Variants in MSRA observed in about 807,000 individuals in gnomAD.
MSRA encodes mitochondrial peptide methionine sulfoxide reductase.
A neutral mutation model predicts 31.3 loss-of-function variants in MSRA; 54 were observed. That is an observed-to-expected ratio of 1.73 (90% CI 1.39 to 2.17). MSRA has a LOEUF of 2.17. MSRA is among the 30% of genes most tolerant of loss of function. The pLI is 0.00. For missense variants in MSRA, 507 were observed against 300.9 expected (o/e 1.69, Z -5.07); for synonymous variants, 169 against 116.5 (o/e 1.45, Z -2.90).
rs545736260 is a variant in MSRA at position 10,329,662 on chromosome 8, G to A, written c.543+9673G>A. Among the ~76,000 whole-genome samples the A allele has an allele frequency of 8.1e-4, 124 of 152,222 alleles. 2 individuals carry two copies. In the South Asian group the frequency reaches 0.023, roughly 29 times the overall value. On this transcript the variant is annotated intron_variant, in intron 5 of 5. Coordinates refer to ENST00000317173, the MANE Select transcript of MSRA (RefSeq NM_012331.5). ...CTGGTCTCCAACCTGCCAGTGTCAT[G>A]TGTCCACCCCAAAATGGGAGACTGA...
intron 1 of MSRA, among the ~76,000 whole-genome samples, chr8:10,197,917 G>A (rs990427613): frequency 6.6e-6 from 1 of 152,194 alleles, no homozygotes; most frequent in Admixed American, 6.5e-5. Flanking sequence ...GAAGAAAAGG[G>A]CTCTGCTGCA....
intron 4 of MSRA, among the ~76,000 whole-genome samples, chr8:10,314,304 CTTAAATG>C (rs1227075010): frequency 6.6e-6 from 1 of 151,714 alleles, no homozygotes; most frequent in Non-Finnish European, 1.5e-5. Flanking sequence ...AAAAAATAGA[CTTAAATG>C]TATGTGCAGT....
intron 3 of MSRA, among the ~76,000 whole-genome samples, chr8:10,263,597 T>C (rs1346204881): frequency 2.0e-5 from 3 of 152,214 alleles, no homozygotes; most frequent in Admixed American, 2.0e-4. Context: ...GTCTTCTCTC[T>C]TTTTTATTCT....
chr8:10,153,885 C>G (rs1803928884), intron 1 of MSRA, among the ~76,000 whole-genome samples: 1 of 152,158 alleles, frequency 6.6e-6, no homozygotes, highest in Non-Finnish European at 1.5e-5. Context: ...ATGCCTCTCT[C>G]TCTGATATCA....
intron 4 of MSRA, among the ~76,000 whole-genome samples, chr8:10,318,068 C>G (rs761263594): frequency 1.3e-4 from 20 of 152,208 alleles, no homozygotes; most frequent in Admixed American, 1.0e-3. Context: ...ATGCCCCCTC[C>G]CCAGCAGGTA....
chr8:10,327,178 A>T (rs1326145470), intron 5 of MSRA, among the ~76,000 whole-genome samples: 1 of 152,330 alleles, frequency 6.6e-6, no homozygotes, highest in East Asian at 1.9e-4. Context: ...GTCATTGTTA[A>T]ATTACCCACT....
At chr8:10,426,088 A>C (rs1809142306) in intron 5 of MSRA, among the ~76,000 whole-genome samples, 1 of 152,182 alleles carries the variant, frequency 6.6e-6, no homozygotes, top group Non-Finnish European at 1.5e-5. Flanking sequence ...TTCACAGGCA[A>C]ATGCTAGCGA....
intron 5 of MSRA, among the ~76,000 whole-genome samples, chr8:10,392,977 G>A (rs1465371489): frequency 4.1e-5 from 6 of 146,620 alleles, no homozygotes; most frequent in African/African-American, 5.1e-5. Context: ...CAGGAGAATG[G>A]CATGAACCCG....
intron 5 of MSRA, among the ~76,000 whole-genome samples, chr8:10,349,462 T>G (rs781616819): frequency 6.6e-6 from 1 of 152,228 alleles, no homozygotes; most frequent in Admixed American, 6.5e-5. Context: ...CTGACTCTTC[T>G]GTGAGGCCAC....
intron 1 of MSRA, among the ~76,000 whole-genome samples, chr8:10,201,716 C>T (rs1447486592): frequency 6.6e-6 from 1 of 152,266 alleles, no homozygotes; most frequent in African/African-American, 2.4e-5. Context: ...AGCTTTTGAA[C>T]ATGTCCCCCC....
intron 5 of MSRA, among the ~76,000 whole-genome samples, chr8:10,377,048 A>C (rs1056375667): frequency 2.0e-5 from 3 of 152,240 alleles, no homozygotes; most frequent in Admixed American, 1.3e-4. Context: ...CAGGTTCCTC[A>C]TCTGAGAAAT....
chr8:10,066,920 G>C (rs1354301373), intron 1 of MSRA, among the ~76,000 whole-genome samples: 1 of 150,990 alleles, frequency 6.6e-6, no homozygotes, highest in Admixed American at 6.6e-5. Context: ...GAAAAATTGA[G>C]TGGAAAGTAC....
chr8:10,405,333 T>C lies in MSRA; in HGVS notation c.544-22815T>C, dbSNP rs554290774. On this transcript the variant is annotated intron_variant, in intron 5 of 5. Coordinates refer to ENST00000317173, the MANE Select transcript of MSRA (RefSeq NM_012331.5). ...GCCGGAGCACCTGCCCCTCCCTCCA[T>C]GTTTGGGCAGCTCATTCCAAACCAC... 3.9e-5 allele frequency among the ~76,000 whole-genome samples: 6 copies of C among 152,122 alleles called. No individual in the cohort carries two copies. The East Asian group carries it at 1.2e-3, about 29-fold the overall frequency.
At chr8:10,367,835 T>A (rs1424159131) in intron 5 of MSRA, among the ~76,000 whole-genome samples, 1 of 152,164 alleles carries the variant, frequency 6.6e-6, no homozygotes, top group African/African-American at 2.4e-5. Context: ...GAGGCAGGCC[T>A]CATGAGGAAG....
intron 1 of MSRA, among the ~76,000 whole-genome samples, chr8:10,081,829 C>G (rs192308297): frequency 4.6e-5 from 7 of 152,252 alleles, no homozygotes; most frequent in East Asian, 3.9e-4. Context: ...TACCCAGATT[C>G]GAAGCGGGGA....
At chr8:10,089,611 G>C (rs571562570) in intron 1 of MSRA, among the ~76,000 whole-genome samples, 3 of 152,194 alleles carry the variant, frequency 2.0e-5, no homozygotes, top group African/African-American at 7.2e-5. Flanking sequence ...AGGAATACTT[G>C]AGGCTGGATA....
intron 1 of MSRA, among the ~76,000 whole-genome samples, chr8:10,129,121 A>G (rs1216868938): frequency 1.3e-5 from 2 of 152,184 alleles, no homozygotes; most frequent in South Asian, 4.1e-4. Context: ...ATCATCCAGA[A>G]TATCTTATGC....
At chr8:10,120,185 C>T (rs1801003579) in intron 1 of MSRA, among the ~76,000 whole-genome samples, 1 of 152,156 alleles carries the variant, frequency 6.6e-6, no homozygotes, top group Non-Finnish European at 1.5e-5. Context: ...AGAGTGGTCC[C>T]AGCAGAGCAC....
chr8:10,407,592 C>G (rs1202196587), intron 5 of MSRA, among the ~76,000 whole-genome samples: 1 of 152,166 alleles, frequency 6.6e-6, no homozygotes, highest in Non-Finnish European at 1.5e-5. Context: ...CGAAGACCAA[C>G]CGCTTTGGGA....
Sources: allele counts gnomAD v4.1 joint callset (sites outside exome capture counted in the v4.1 genomes callset), GRCh38; gene constraint gnomAD v4.1.1; transcripts MANE v1.5; gene names NCBI Gene and HGNC (gene_info 2026-07-23, HGNC 2026-07-21).